Variants in NCALD observed in about 807,000 individuals in gnomAD.
The protein encoded by NCALD is neurocalcin delta.
NCALD carries 10 observed loss-of-function variants against 18.6 expected under a neutral mutation model. The ratio of observed to expected loss-of-function variants is 0.54; its 90% CI spans 0.33 to 0.91. NCALD has a LOEUF of 0.91. Ranked by LOEUF, NCALD falls within the 40% of genes least tolerant of loss-of-function variation. The pLI is 0.03. For missense variants in NCALD, 184 were observed against 247.6 expected, an observed-to-expected ratio of 0.74 and a Z score of 1.72; for synonymous variants, 88 against 87.4, an observed-to-expected ratio of 1.01 and a Z score of -0.04.
chr8:101,731,186 A>T (rs964675289), intron 1 of NCALD, among the ~76,000 whole-genome samples: 4 of 152,254 alleles, frequency 2.6e-5, no homozygotes, highest in African/African-American at 9.6e-5. Flanking sequence ...GTGATCCAGG[A>T]TGTGGCTAGA....
chr8:101,940,395 C>T (rs956251993), intron 2 of NCALD, among the ~76,000 whole-genome samples: 2 of 152,146 alleles, frequency 1.3e-5, no homozygotes, highest in Non-Finnish European at 2.9e-5. Flanking sequence ...ATTCATCATC[C>T]GTCAGAGGAA....
intron 1 of NCALD, among the ~76,000 whole-genome samples, chr8:102,117,984 T>A (rs1202178210): frequency 6.6e-6 from 1 of 152,260 alleles, no homozygotes; most frequent in Non-Finnish European, 1.5e-5. Flanking sequence ...GCTCCCAATG[T>A]TGGTAAATCA....
In NCALD at chr8:101,941,727, G is replaced by C. The variant is rs375819007; in HGVS notation, c.-156-25869C>G. On this transcript the variant is annotated intron_variant, in intron 2 of 6. Coordinates refer to the NCALD transcript ENST00000311028. ...GTTTATGGGGGAGTAGGGATGACAG[G>C]CTGACATGGGGTATTAACTAAAAGC... Among the ~76,000 whole-genome samples, 4 of 152,108 alleles carry C rather than the reference G, an allele frequency of 2.6e-5. No individual in the cohort carries two copies. In the East Asian group the frequency reaches 5.8e-4, roughly 22 times the overall value.
chr8:101,691,952 T>C (rs1233318062), intron 3 of NCALD: 14 of 985,316 alleles, frequency 1.4e-5, no homozygotes, highest in Non-Finnish European at 1.3e-5. Context: ...CTGAGCTCTT[T>C]AAACTCAAGT....
At chr8:101,866,555 A>G (rs1312534463) in intron 4 of NCALD, among the ~76,000 whole-genome samples, 1 of 151,912 alleles carries the variant, frequency 6.6e-6, no homozygotes, top group Non-Finnish European at 1.5e-5. Context: ...TTTCCTTCAA[A>G]CTCTGTTTCC....
At chr8:101,789,363 G>C (rs1223992180) in intron 1 of NCALD, among the ~76,000 whole-genome samples, 1 of 152,126 alleles carries the variant, frequency 6.6e-6, no homozygotes, top group Admixed American at 6.5e-5. Context: ...AAGCACATTA[G>C]ACTTTTGGAA....
At chr8:101,732,579 C>G (rs1296089672) in intron 1 of NCALD, among the ~76,000 whole-genome samples, 1 of 85,790 alleles carries the variant, frequency 1.2e-5, no homozygotes, top group Non-Finnish European at 3.0e-5. Context: ...CAGAGTATTT[C>G]TTTTTCTTTG....
At chr8:101,916,316 G>C (rs780079837) in intron 2 of NCALD, among the ~76,000 whole-genome samples, 1 of 152,088 alleles carries the variant, frequency 6.6e-6, no homozygotes, top group Non-Finnish European at 1.5e-5. Flanking sequence ...TTCCAGACAA[G>C]CAAGTGCTAA....
chr8:102,054,662 ATAGATAGATAGATAGATAGATAGATAG>A (rs1823573198), intron 1 of NCALD, among the ~76,000 whole-genome samples: 1 of 38,254 alleles, frequency 2.6e-5, no homozygotes, highest in Non-Finnish European at 5.1e-5. Flanking sequence ...TTCTCTTCCG[ATAGATAGATAGATAGATAGATAGATAG>A]ATAGATAGAT....
chr8:101,850,120 C>T (rs1815031530), intron 4 of NCALD, among the ~76,000 whole-genome samples: 2 of 152,138 alleles, frequency 1.3e-5, no homozygotes, highest in South Asian at 4.1e-4. Context: ...GCTTTGGAGT[C>T]CATGTCACTG....
chr8:101,968,720 C>T (rs576287384), intron 2 of NCALD, among the ~76,000 whole-genome samples: 1 of 152,078 alleles, frequency 6.6e-6, no homozygotes, highest in Non-Finnish European at 1.5e-5. Flanking sequence ...AAACCCTCCA[C>T]ATCACTCTCC....
intron 4 of NCALD, among the ~76,000 whole-genome samples, chr8:101,842,405 T>C (rs1814682828): frequency 6.6e-6 from 1 of 152,224 alleles, no homozygotes. Flanking sequence ...AGTGATTTCC[T>C]CTGCAAGTGA....
At chr8:102,077,659 C>T (rs745490808) in intron 1 of NCALD, among the ~76,000 whole-genome samples, 4 of 152,170 alleles carry the variant, frequency 2.6e-5, no homozygotes, top group Non-Finnish European at 4.4e-5. Context: ...TAGTAGACAG[C>T]AGGCCTCATA....
At chr8:101,804,571 A>C (rs1349137299) in intron 4 of NCALD, among the ~76,000 whole-genome samples, 2 of 122,074 alleles carry the variant, frequency 1.6e-5, no homozygotes, top group Non-Finnish European at 3.3e-5. Context: ...ATATATAATT[A>C]ATATAATTAA....
intron 1 of NCALD, among the ~76,000 whole-genome samples, chr8:101,727,882 C>T (rs1816643230): frequency 6.6e-6 from 1 of 152,192 alleles, no homozygotes; most frequent in Admixed American, 6.5e-5. Flanking sequence ...TTTGATCCTG[C>T]ATTTCCTTAT....
At chr8:101,795,997 T>C (rs149249713) in intron 4 of NCALD, among the ~76,000 whole-genome samples, 1 of 152,268 alleles carries the variant, frequency 6.6e-6, no homozygotes, top group African/African-American at 2.4e-5. Context: ...AAGGCAGAGT[T>C]TGGCAGTCGT....
chr8:101,851,996 G>A (rs979843421), intron 4 of NCALD, among the ~76,000 whole-genome samples: 7 of 152,056 alleles, frequency 4.6e-5, no homozygotes, highest in East Asian at 1.9e-4. Flanking sequence ...TACCATATGA[G>A]GACAATTCAC....
At chr8:102,053,109 G>GCTCC (rs1823510059) in intron 1 of NCALD, among the ~76,000 whole-genome samples, 1 of 152,106 alleles carries the variant, frequency 6.6e-6, no homozygotes. Flanking sequence ...AAGGAGACAA[G>GCTCC]CTCCCAATTT....
At chr8:101,708,793 C>G (rs1485185961) in intron 2 of NCALD, among the ~76,000 whole-genome samples, 3 of 152,182 alleles carry the variant, frequency 2.0e-5, no homozygotes, top group African/African-American at 4.8e-5. Context: ...CTCCACCCCT[C>G]AAGATCCCAG....
Sources: gnomAD v4.1 joint callset for allele counts (sites outside exome capture counted in the v4.1 genomes callset) on GRCh38, gnomAD v4.1.1 for gene constraint, MANE v1.5 for transcripts, NCBI Gene and HGNC (gene_info 2026-07-23, HGNC 2026-07-21) for gene names.